COG6: variants seen among roughly 807,000 people sequenced by gnomAD.
COG6 encodes component of oligomeric golgi complex 6.
In COG6, 74 loss-of-function variants were observed where a neutral mutation model predicts 88.8. The ratio of observed to expected loss-of-function variants is 0.83; its 90% CI spans 0.69 to 1.01. The LOEUF (loss-of-function observed/expected upper bound fraction) is 1.01, where lower values mean the gene tolerates loss of function less well. Among genes scored for constraint, COG6 ranks in the 50% least tolerant of loss-of-function variants. The probability of loss-of-function intolerance (pLI) is 0.00; values close to 1 mark genes in which losing one functional copy is unlikely to be tolerated. For synonymous variants in COG6, 286 were observed against 278.7 expected (o/e 1.03, Z -0.26); for missense variants, 800 against 797.9 (o/e 1.00, Z -0.03).
intron 4 of COG6, among the ~76,000 whole-genome samples, chr13:39,668,972 A>T (rs1250155627): frequency 6.6e-6 from 1 of 152,094 alleles, no homozygotes; most frequent in Non-Finnish European, 1.5e-5. Flanking sequence ...ATTTATTTTT[A>T]TACATTTTAT....
At chr13:39,657,970 G>C (rs75910275) in intron 1 of COG6, among the ~76,000 whole-genome samples, 12,587 of 151,662 alleles carry the variant, frequency 0.083, 628 homozygotes, top group Middle Eastern at 0.14. Flanking sequence ...CGGAACTCTT[G>C]ATTTTTCCCT....
At chr13:39,770,420 T>C (rs1881286818) in intron 18 of COG6, among the ~76,000 whole-genome samples, 1 of 152,166 alleles carries the variant, frequency 6.6e-6, no homozygotes, top group Non-Finnish European at 1.5e-5. Context: ...CAAAGTTACA[T>C]GTTATTTCTC....
intron 18 of COG6, among the ~76,000 whole-genome samples, chr13:39,745,404 C>A (rs934646329): frequency 2.0e-5 from 3 of 151,122 alleles, no homozygotes; most frequent in East Asian, 1.9e-4. Flanking sequence ...AGAAAAAAAA[C>A]CATCAAAAAG....
At chr13:39,790,014 T>A (rs1316963936) in exon 19 of COG6, 1 of 152,192 alleles carries the variant, frequency 6.6e-6, no homozygotes, top group African/African-American at 2.4e-5. Flanking sequence ...AAATGTGAGG[T>A]AGGGTTCCAT....
chr13:39,702,174 A>C (rs1877619189), intron 13 of COG6, among the ~76,000 whole-genome samples: 1 of 152,002 alleles, frequency 6.6e-6, no homozygotes, highest in Non-Finnish European at 1.5e-5. Context: ...AATATACCTA[A>C]GGAAGGAAGA....
At chr13:39,720,034 G>T (rs1302315643) in intron 15 of COG6, among the ~76,000 whole-genome samples, 1 of 142,370 alleles carries the variant, frequency 7.0e-6, no homozygotes, top group Non-Finnish European at 1.5e-5. Context: ...CACAAATTCA[G>T]TATTTCAGTT....
At chr13:39,656,294 G>T in intron 1 of COG6, 1 of 433,794 alleles carries the variant, frequency 2.3e-6, no homozygotes, top group South Asian at 1.6e-5. Context: ...AATGGGGGTC[G>T]GGAGACCAAG....
intron 4 of COG6, among the ~76,000 whole-genome samples, chr13:39,672,515 T>C (rs1875712269): frequency 6.6e-6 from 1 of 152,058 alleles, no homozygotes; most frequent in African/African-American, 2.4e-5. Flanking sequence ...ATACAGTATG[T>C]GGCCCTTTTT....
chr13:39,683,747 T>TAA (rs5803004), intron 8 of COG6, among the ~76,000 whole-genome samples: 214 of 148,588 alleles, frequency 1.4e-3, no homozygotes, highest in African/African-American at 4.2e-3. Flanking sequence ...TTTTATGTAT[T>TAA]AAAAAAAAAA....
intron 18 of COG6, among the ~76,000 whole-genome samples, chr13:39,732,734 T>C (rs953261670): frequency 2.0e-5 from 3 of 152,004 alleles, no homozygotes; most frequent in African/African-American, 7.2e-5. Flanking sequence ...GGCTGGAAAA[T>C]AGATGGAGTC....
intron 7 of COG6, among the ~76,000 whole-genome samples, chr13:39,681,718 ACT>A (rs1876325622): frequency 1.3e-5 from 2 of 152,228 alleles, no homozygotes; most frequent in East Asian, 3.9e-4. Flanking sequence ...TAAAATTCAA[ACT>A]CTTTTGAAAT....
exon 19 of COG6, chr13:39,790,591 G>T (rs1043345896): frequency 4.0e-5 from 6 of 151,562 alleles, no homozygotes; most frequent in Non-Finnish European, 8.8e-5. Context: ...CATAAATTTT[G>T]CATTCTCATA....
intron 18 of COG6, among the ~76,000 whole-genome samples, chr13:39,733,221 T>G (rs1269172375): frequency 6.6e-6 from 1 of 150,540 alleles, no homozygotes; most frequent in African/African-American, 2.4e-5. Context: ...GACGGAGTCT[T>G]GCTGTGTCAC....
downstream of COG6, among the ~76,000 whole-genome samples, chr13:39,753,144 CAG>C (rs1880723245): frequency 6.6e-6 from 1 of 152,300 alleles, no homozygotes; most frequent in South Asian, 2.1e-4. Context: ...CCTCACCCCT[CAG>C]GGGATGGTAT....
chr13:39,756,754 G>A (rs946752584), downstream of COG6, among the ~76,000 whole-genome samples: 2 of 151,900 alleles, frequency 1.3e-5, no homozygotes, highest in Non-Finnish European at 1.5e-5. Context: ...GGCGGGGGGC[G>A]GCAGTGGCGG....
chr13:39,697,855 G>C (rs942555246), intron 12 of COG6, among the ~76,000 whole-genome samples: 2 of 151,936 alleles, frequency 1.3e-5, no homozygotes, highest in African/African-American at 4.8e-5. Flanking sequence ...TGTAAATATT[G>C]AATAGTTATT....
intron 18 of COG6, among the ~76,000 whole-genome samples, chr13:39,772,540 A>C (rs1398900857): frequency 1.3e-5 from 2 of 152,194 alleles, no homozygotes; most frequent in Non-Finnish European, 2.9e-5. Context: ...TCTGAACATC[A>C]GTTGAACTGG....
At chr13:39,757,610 G>A (rs1296515384), downstream of COG6, among the ~76,000 whole-genome samples, 1 of 151,198 alleles carries the variant, frequency 6.6e-6, no homozygotes, top group Non-Finnish European at 1.5e-5. Flanking sequence ...TATGAAACGG[G>A]ACATTACTGA....
intron 18 of COG6, among the ~76,000 whole-genome samples, chr13:39,771,661 T>C (rs879720655): frequency 6.6e-6 from 1 of 152,230 alleles, no homozygotes; most frequent in Non-Finnish European, 1.5e-5. Flanking sequence ...AATACAAATA[T>C]ATAGTCTACC....
Sources: allele counts gnomAD v4.1 joint callset (sites outside exome capture counted in the v4.1 genomes callset), GRCh38; gene constraint gnomAD v4.1.1; transcripts MANE v1.5; gene names NCBI Gene and HGNC (gene_info 2026-07-23, HGNC 2026-07-21).